The following HDX variants were observed in gnomAD, a reference collection of about 807,000 sequenced individuals.
The protein encoded by HDX is chromosome X open reading frame 43.
HDX carries 19 observed loss-of-function variants against 45.2 expected under a neutral mutation model. That is an observed-to-expected ratio of 0.42 (90% CI 0.29 to 0.62). The LOEUF is 0.62. Among genes scored for constraint, HDX ranks in the 20% least tolerant of loss-of-function variants. The pLI, the probability that HDX is intolerant of heterozygous loss-of-function variation, is 0.20. For synonymous variants in HDX, 188 were observed against 172.8 expected (o/e 1.09, Z -0.69); for missense variants, 532 against 493.9 (o/e 1.08, Z -0.73).
chrX:84,402,044 AG>A lies in HDX; in HGVS notation c.1305+38487del, dbSNP rs201566049. ...AACAACACACACTGGGGCCAGTCGG[AG>A]GGTGAGGGTTGAGGAGACAGAGAGC... On this transcript the variant is annotated intron_variant, in intron 5 of 10. Coordinates refer to ENST00000373177, the MANE Select transcript of HDX (RefSeq NM_001177479.2). 1.8e-3 allele frequency among the ~76,000 whole-genome samples: 197 copies of A among 111,058 alleles called. 5 individuals are homozygous for A. In the East Asian group the frequency reaches 0.042, roughly 24 times the overall value.
At chrX:84,335,622 A>G (rs2036943164) in intron 8 of HDX, among the ~76,000 whole-genome samples, 1 of 111,334 alleles carries the variant, frequency 9.0e-6, no homozygotes, top group Admixed American at 9.6e-5. Flanking sequence ...CTAAAACTCA[A>G]ATCTGTAGCA....
At chrX:84,501,435 C>G (rs1464815295) in intron 1 of HDX, 1 of 111,661 alleles carries the variant, frequency 9.0e-6, no homozygotes, top group Non-Finnish European at 1.9e-5. Context: ...TTACTCTGAG[C>G]CTCCACAATG....
chrX:84,364,557 A>G (rs2037699993), intron 5 of HDX, among the ~76,000 whole-genome samples: 1 of 81,833 alleles, frequency 1.2e-5, no homozygotes, highest in African/African-American at 5.1e-5. Flanking sequence ...GCTGGAGTGC[A>G]GTGGTACAAT....
intron 5 of HDX, among the ~76,000 whole-genome samples, chrX:84,367,661 C>A (rs748836784): frequency 3.6e-5 from 4 of 112,138 alleles, no homozygotes; most frequent in Admixed American, 9.4e-5. Flanking sequence ...CCATGGAATA[C>A]AAGGCAGCCA....
intron 5 of HDX, among the ~76,000 whole-genome samples, chrX:84,436,837 T>C (rs1379635939): frequency 9.0e-6 from 1 of 111,313 alleles, no homozygotes; most frequent in Non-Finnish European, 1.9e-5. Context: ...CTGGGATTTT[T>C]TTTTTTTTGT....
At chrX:84,368,600 A>G (rs971666711) in intron 5 of HDX, among the ~76,000 whole-genome samples, 2 of 111,993 alleles carry the variant, frequency 1.8e-5, no homozygotes, top group Admixed American at 9.6e-5. Flanking sequence ...TATACATAAC[A>G]TTTGCCATTA....
At chrX:84,411,953 A>G (rs1027783820) in intron 5 of HDX, among the ~76,000 whole-genome samples, 2 of 111,092 alleles carry the variant, frequency 1.8e-5, no homozygotes, top group East Asian at 5.6e-4. Context: ...TTTTGGTATA[A>G]ATTTTGTTTT....
chrX:84,409,812 T>G (rs1352600007), intron 5 of HDX, among the ~76,000 whole-genome samples: 4 of 107,158 alleles, frequency 3.7e-5, no homozygotes, highest in Non-Finnish European at 5.8e-5. Flanking sequence ...ACATGGCACA[T>G]GTATACATAG....
intron 5 of HDX, among the ~76,000 whole-genome samples, chrX:84,413,705 C>T (rs925456638): frequency 8.9e-6 from 1 of 111,746 alleles, no homozygotes; most frequent in Non-Finnish European, 1.9e-5. Flanking sequence ...TATTATTCCT[C>T]TTTTTCTGAA....
chrX:84,407,835 C>T lies in HDX; in HGVS notation c.1305+32697G>A, dbSNP rs755282265. On this transcript the variant is annotated intron_variant, in intron 5 of 10. Transcript: ENST00000373177. ...TTTCCTATGATTGTTGGCCGCGTGT[C>T]TGTATTCTTTTGAAAAGTGTCTGTT... 1.3e-4 allele frequency among the ~76,000 whole-genome samples: 15 copies of T among 111,485 alleles called. No individual in the cohort carries two copies. In the South Asian group the frequency reaches 5.6e-3, roughly 42 times the overall value.
At chrX:84,401,341 G>A (rs1270438132) in intron 5 of HDX, among the ~76,000 whole-genome samples, 3 of 111,088 alleles carry the variant, frequency 2.7e-5, no homozygotes, top group African/African-American at 6.5e-5. Flanking sequence ...AATCTACAAG[G>A]AACTTAATCA....
chrX:84,339,165 T>C (rs144393309), intron 7 of HDX, among the ~76,000 whole-genome samples: 6,611 of 111,568 alleles, frequency 0.059, 189 homozygotes, highest in Non-Finnish European at 0.086. Context: ...TGATCTCACT[T>C]ATATGTGGAA....
At chrX:84,487,641 G>C (rs759394170) in intron 2 of HDX, among the ~76,000 whole-genome samples, 2 of 111,736 alleles carry the variant, frequency 1.8e-5, no homozygotes, top group African/African-American at 6.5e-5. Context: ...TCAAGGATGA[G>C]CTTAAGCTTT....
chrX:84,400,795 T>A (rs962065891), intron 5 of HDX, among the ~76,000 whole-genome samples: 2 of 111,251 alleles, frequency 1.8e-5, no homozygotes, highest in African/African-American at 6.5e-5. Flanking sequence ...CTACCTGACT[T>A]CAAACTATAC....
chrX:84,374,558 A>AGATATATAGATCAATG (rs1555993143), intron 5 of HDX, among the ~76,000 whole-genome samples: 1 of 87,164 alleles, frequency 1.1e-5, no homozygotes, highest in Non-Finnish European at 2.2e-5. Context: ...GTACCAAAAC[A>AGATATATAGATCAATG]GAACAGAACA....
intron 5 of HDX, among the ~76,000 whole-genome samples, chrX:84,406,543 A>ATCTG (rs1328869490): frequency 2.6e-4 from 28 of 106,721 alleles, no homozygotes; most frequent in Non-Finnish European, 3.7e-4. Flanking sequence ...CACTCTATGT[A>ATCTG]TCTATCTATA....
rs772783809 is a variant in HDX, at chrX:84,374,389, C to T, written c.1306-12777G>A. On this transcript the variant is annotated intron_variant, in intron 5 of 10. Coordinates refer to ENST00000373177, the MANE Select transcript of HDX (RefSeq NM_001177479.2). ...CCATCAAGCTACCAATGATCTTCTT[C>T]ACAGAATTGGAAAAAACTACTTTAA... Among the ~76,000 whole-genome samples the T allele has an allele frequency of 3.6e-5, 4 of 109,894 alleles. No individual in the cohort carries two copies. The South Asian group carries it at 1.5e-3, about 43-fold the overall frequency.
Position 84,469,572 on chromosome X carries a change from A to G in HDX, c.151T>C (p.Trp51Arg). The G allele has an allele frequency of 8.6e-7, 1 of 1,165,232 alleles. No homozygotes were observed. Among genetic ancestry groups the G allele is most frequent in the Non-Finnish European group, 1.1e-6 (1 of 873,679 alleles). Residue 51 changes from tryptophan (W) to arginine (R), a missense_variant, in exon 4 of 11, where the codon TGG (tryptophan) becomes CGG (arginine). By Grantham distance (101) the Trp-to-Arg change is moderately radical (BLOSUM62 -3). Transcript: ENST00000373177. ...TKLDFSVVRT[W>R]VGNKRRKMSS... is the part of the protein sequence containing the mutation. ...ATCTTTCTTCTCTTATTGCCAACCCACGTCTGGAAGGATAAAACATGGTAT... is the reference window on the plus strand; with the variant it reads ...ATCTTTCTTCTCTTATTGCCAACCCGCGTCTGGAAGGATAAAACATGGTAT...
At position 84,409,104 on chromosome X, in the gene HDX, C is replaced by CA. The variant is rs1280604186; in HGVS notation, c.1305+31427dup. 2.0e-4 allele frequency among the ~76,000 whole-genome samples: 22 copies of CA among 110,266 alleles called. No individual in the cohort carries two copies. In the South Asian group the frequency reaches 8.7e-3, roughly 43 times the overall value. On this transcript the variant is annotated intron_variant, in intron 5 of 10. Transcript: ENST00000373177. ...TCTCAAAAGAAGACATTTATGCAGC[C>CA]AAAAAACACATGAAAAAATGCTCAC...
Sources: allele counts gnomAD v4.1 joint callset (sites outside exome capture counted in the v4.1 genomes callset), GRCh38; gene constraint gnomAD v4.1.1; transcripts MANE v1.5; gene names NCBI Gene and HGNC (gene_info 2026-07-23, HGNC 2026-07-21).